The following LRRC7 variants were observed in gnomAD, a reference collection of about 807,000 sequenced individuals.
LRRC7 encodes leucine-rich repeat-containing protein 7.
In LRRC7, 23 loss-of-function variants were observed where a neutral mutation model predicts 175.7. The observed-to-expected ratio is 0.13, with a 90% CI of 0.09 to 0.19. The LOEUF is 0.19. LRRC7 is among the 10% of genes least tolerant of loss of function. The pLI, the probability that LRRC7 is intolerant of heterozygous loss-of-function variation, is 1.00. For synonymous variants in LRRC7, 685 were observed against 680.9 expected (o/e 1.01, Z -0.09); for missense variants, 1,354 against 1,904.7 (o/e 0.71, Z 5.38).
intron 4 of LRRC7, among the ~76,000 whole-genome samples, chr1:69,803,421 G>A (rs1185512832): frequency 1.3e-5 from 2 of 151,288 alleles, no homozygotes; most frequent in Non-Finnish European, 3.0e-5. Flanking sequence ...ACTATGTGTT[G>A]TTCAATAAAA....
At chr1:69,679,694 T>G (rs1190087644) in intron 2 of LRRC7, among the ~76,000 whole-genome samples, 1 of 152,144 alleles carries the variant, frequency 6.6e-6, no homozygotes, top group African/African-American at 2.4e-5. Context: ...TTCTTCTCTA[T>G]GCTTCAAGGA....
intron 2 of LRRC7, among the ~76,000 whole-genome samples, chr1:69,688,316 T>C (rs570752511): frequency 6.6e-6 from 1 of 152,342 alleles, no homozygotes; most frequent in East Asian, 1.9e-4. Flanking sequence ...AGTCCCCAGA[T>C]ACTTGTGTTC....
At chr1:69,964,975 A>G (rs1262021665) in intron 8 of LRRC7, among the ~76,000 whole-genome samples, 2 of 152,228 alleles carry the variant, frequency 1.3e-5, no homozygotes, top group African/African-American at 2.4e-5. Context: ...TATGTGGAGT[A>G]ATAGCTGCAT....
At chr1:69,683,823 A>C (rs921068429) in intron 2 of LRRC7, among the ~76,000 whole-genome samples, 5 of 152,134 alleles carry the variant, frequency 3.3e-5, no homozygotes, top group African/African-American at 1.2e-4. Flanking sequence ...TCAGAATTAA[A>C]ATCTTTACTG....
intron 3 of LRRC7, among the ~76,000 whole-genome samples, chr1:69,770,518 AT>A (rs934986198): frequency 1.3e-4 from 20 of 152,090 alleles, no homozygotes; most frequent in Non-Finnish European, 2.2e-4. Context: ...ATCATTGATT[AT>A]TTTTTTTCCT....
At chr1:69,979,667 A>T (rs1653213250) in intron 8 of LRRC7, among the ~76,000 whole-genome samples, 1 of 152,074 alleles carries the variant, frequency 6.6e-6, no homozygotes. Context: ...TGTACATTAC[A>T]TGTAGTAGGC....
chr1:69,914,165 G>A (rs556688078), intron 7 of LRRC7, among the ~76,000 whole-genome samples: 12 of 152,210 alleles, frequency 7.9e-5, no homozygotes, highest in Middle Eastern at 6.8e-3. Flanking sequence ...GTTAAAAACT[G>A]GAATGCATAA....
chr1:69,924,598 T>C (rs1175610497), intron 7 of LRRC7, among the ~76,000 whole-genome samples: 9 of 152,278 alleles, frequency 5.9e-5, no homozygotes, highest in African/African-American at 1.9e-4. Flanking sequence ...TGGCTCTCTG[T>C]TTGTCTGTTA....
intron 2 of LRRC7, among the ~76,000 whole-genome samples, chr1:69,717,051 A>G (rs1350631352): frequency 6.7e-6 from 1 of 149,740 alleles, no homozygotes; most frequent in Non-Finnish European, 1.5e-5. Flanking sequence ...TTTTACATAT[A>G]TATCTACATA....
chr1:69,791,542 G>T (rs2101059718), intron 3 of LRRC7, among the ~76,000 whole-genome samples: 1 of 152,112 alleles, frequency 6.6e-6, no homozygotes, highest in South Asian at 2.1e-4. Context: ...TTATGAAGCA[G>T]TTGGGGGAGG....
At chr1:69,627,248 T>C (rs923994286) in intron 1 of LRRC7, among the ~76,000 whole-genome samples, 42 of 152,270 alleles carry the variant, frequency 2.8e-4, no homozygotes, top group African/African-American at 9.9e-4. Context: ...GTTTCCTGAC[T>C]TTTTAATGAT....
intron 24 of LRRC7, among the ~76,000 whole-genome samples, chr1:70,088,564 A>T (rs1045342287): frequency 2.0e-5 from 3 of 152,120 alleles, no homozygotes; most frequent in African/African-American, 7.2e-5. Context: ...TAAAATAAAT[A>T]AATAAGTAAA....
chr1:69,835,066 T>C (rs1680949935), intron 6 of LRRC7, among the ~76,000 whole-genome samples, 197 bp downstream of exon 6: 1 of 151,480 alleles, frequency 6.6e-6, no homozygotes, highest in African/African-American at 2.4e-5. Context: ...ATGACATTAA[T>C]AGTCAAATAA....
At position 69,904,835 on chromosome 1, in the gene LRRC7, C is replaced by G. The variant is rs530634297; in HGVS notation, c.648-26672C>G. Among the ~76,000 whole-genome samples the G allele has an allele frequency of 3.3e-5, 5 of 152,196 alleles. No individual in the cohort carries two copies. In the South Asian group the frequency reaches 6.2e-4, roughly 19 times the overall value. On this transcript the variant is annotated intron_variant, in intron 7 of 26. Transcript: ENST00000651989. The stretch of plus-strand genomic sequence containing the variant: ...TCTCACCCTCCTCCCACACACAACC[C>G]TTGAGTAGGCCCTGGCGTCTGTTTC...
chr1:70,096,377 C>T (rs534160136), intron 25 of LRRC7, among the ~76,000 whole-genome samples: 1 of 152,272 alleles, frequency 6.6e-6, no homozygotes, highest in Non-Finnish European at 1.5e-5. Context: ...AGAACTGCTT[C>T]CTATATTTAA....
At chr1:70,115,279 T>G (rs1465019006) in intron 26 of LRRC7, among the ~76,000 whole-genome samples, 1 of 152,240 alleles carries the variant, frequency 6.6e-6, no homozygotes, top group African/African-American at 2.4e-5. Flanking sequence ...CAGATGTCCC[T>G]GCAGAAGCAT....
intron 24 of LRRC7, among the ~76,000 whole-genome samples, chr1:70,078,798 GCGCGCGCGCGCGCACACACACACA>G (rs1662977490): frequency 2.0e-5 from 2 of 101,274 alleles, no homozygotes; most frequent in South Asian, 7.3e-4. Context: ...ATATACGCGC[GCGCGCGCGCGCGCACACACACACA>G]CGCACACACA....
intron 7 of LRRC7, among the ~76,000 whole-genome samples, chr1:69,869,485 C>A (rs1685290466): frequency 6.6e-6 from 1 of 152,036 alleles, no homozygotes. Context: ...AATTACATTA[C>A]CTGAAATACA....
rs1316609971 is a variant in LRRC7 at position 70,129,520 on chromosome 1, A to ACTT, written c.*7634_*7636dup. On this transcript the variant is annotated 3_prime_UTR_variant, in exon 27 of 27. Transcript: ENST00000651989. Reference sequence around the variant, plus strand: ...ACGGGAGAAGGAGATGGAATTCAACACTTTAAAAAGTGTGGGGGGGTTGCT... The same window carrying ACTT: ...ACGGGAGAAGGAGATGGAATTCAACACTTCTTTAAAAAGTGTGGGGGGGTTGCT... Among the ~76,000 whole-genome samples, 1 of 152,110 alleles carries ACTT rather than the reference A, an allele frequency of 6.6e-6. No homozygotes were observed. The highest frequency in any genetic ancestry group is 1.5e-5 in the Non-Finnish European group (1 of 68,012).
Sources: allele counts gnomAD v4.1 joint callset (sites outside exome capture counted in the v4.1 genomes callset), GRCh38; gene constraint gnomAD v4.1.1; transcripts MANE v1.5; gene names NCBI Gene and HGNC (gene_info 2026-07-23, HGNC 2026-07-21).